EFHD2: variants seen among roughly 807,000 people sequenced by gnomAD.
EFHD2 encodes EF-hand domain family member D2.
In EFHD2, 12 loss-of-function variants were observed where a neutral mutation model predicts 20.3. The observed-to-expected ratio is 0.59, with a 90% confidence interval of 0.38 to 0.96. The LOEUF (loss-of-function observed/expected upper bound fraction) is 0.96. Ranked by LOEUF, EFHD2 falls within the 40% of genes least tolerant of loss-of-function variation. EFHD2 has a pLI of 0.00. For missense variants in EFHD2, 250 were observed against 334.3 expected (o/e 0.75, Z 1.97); for synonymous variants, 131 against 143.9 (o/e 0.91, Z 0.64).
Position 15,425,940 on chromosome 1 carries a change from C to G in EFHD2, c.378C>G (p.Ala126=). The G allele has an allele frequency of 7.5e-6, 12 of 1,604,492 alleles. No homozygotes were observed. Among genetic ancestry groups the G allele is most frequent in the Non-Finnish European group, 1.0e-5 (12 of 1,176,272 alleles). ...ELKLMMEKLG[A]PQTHLGLKNM... ...AACTCATGATGGAGAAACTTGGGGC[C>G]CCTCAGACCCACCTGGGCCTGAAAA... is the stretch of plus-strand genomic sequence containing the variant. Residue 126 remains alanine, a synonymous_variant, in exon 2 of 4, where the codon GCC becomes GCG. Transcript: ENST00000375980.
Position 15,427,400 on chromosome 1 carries a change from C to A in EFHD2, c.591+116C>A. ...CTGAGGCTGCAGACAGAGATGGGAG[C>A]TGACTCCCTGCCAGGCTGGGCCAGG... On this transcript the variant is annotated intron_variant, in intron 3 of 3. Transcript: ENST00000375980. 3.4e-6 allele frequency: 5 copies of A among 1,464,590 alleles called. No individual in the cohort carries two copies. In the South Asian group the frequency reaches 7.0e-5, roughly 20 times the overall value. The allele number at this position is 1,464,590 out of a possible 1,614,324, so 90.7% of individuals were successfully genotyped here.
At chr1:15,410,398 A>G (rs545986648) in intron 1 of EFHD2, 119 bp downstream of exon 1, 2 of 1,263,050 alleles carry the variant, frequency 1.6e-6, no homozygotes, top group East Asian at 3.0e-5. Context: ...AGCTTCCCCG[A>G]ACCCAGACGC....
chr1:15,425,881 G>A lies in EFHD2; in HGVS notation c.319G>A (p.Gly107Arg), dbSNP rs781516858. ...TTTTTGCATCTGCAGGTATGATGCC[G>A]GGCGGGACGGCTTCATCGACCTGAT... The part of the protein sequence containing the change: ...MEKMFKQYDA[G>R]RDGFIDLMEL... The change falls in exon 2 of 4, where the codon GGG becomes AGG. Residue 107 changes from glycine to arginine, a missense_variant. By Grantham distance (125) the Gly-to-Arg change is moderately radical. Coordinates refer to ENST00000375980, the MANE Select transcript of EFHD2 (RefSeq NM_024329.6). The A allele has an allele frequency of 2.2e-5, 35 of 1,606,496 alleles. No homozygotes were observed. Among genetic ancestry groups the A allele is most frequent in the African/African-American group, 5.4e-5 (4 of 74,386 alleles).
In EFHD2 at chr1:15,429,610, G is replaced by A. The variant is rs951787424; in HGVS notation, c.*886G>A. On this transcript the variant is annotated 3_prime_UTR_variant, in exon 4 of 4. Transcript: ENST00000375980. ...TCCTAGGGAAGGAGACGAGCGCTTC[G>A]CCTTGATTCTCCGAGAAGCCTCCGA... 6.6e-5 allele frequency: 10 copies of A among 152,594 alleles called. No individual in the cohort carries two copies. Among genetic ancestry groups the A allele is most frequent in the East Asian group, 5.8e-4 (3 of 5,196 alleles). The allele number at this position is 152,594 out of a possible 1,614,324, so 9.5% of individuals were successfully genotyped here.
chr1:15,414,727 C>T (rs558495863), intron 1 of EFHD2, among the ~76,000 whole-genome samples: 67 of 152,340 alleles, frequency 4.4e-4, no homozygotes, highest in African/African-American at 1.6e-3. Context: ...AGTGACAGGA[C>T]GCAGGGTTAG....
rs1247414461 is a variant in EFHD2, at chr1:15,426,174, A to G, written c.456+156A>G. On this transcript the variant is annotated intron_variant, in intron 2 of 3. Coordinates refer to ENST00000375980, the MANE Select transcript of EFHD2 (RefSeq NM_024329.6). This position sits in a 1 kb window ranked among gnomAD's most constrained non-coding sequence, Gnocchi z 4.6. The stretch of plus-strand genomic sequence containing the variant: ...CTGCTGCTTGGCTGAGTGAGGCTTC[A>G]GAGGGCCTGTTACAGCAGGCACCAG... Among the ~76,000 whole-genome samples, 1 of 152,180 alleles carries G rather than the reference A, an allele frequency of 6.6e-6. No homozygotes were observed. The highest frequency in any genetic ancestry group is 3.2e-3 in the Middle Eastern group (1 of 316).
intron 1 of EFHD2, among the ~76,000 whole-genome samples, chr1:15,411,981 A>T (rs1237080795): frequency 1.3e-5 from 2 of 152,070 alleles, no homozygotes; most frequent in Admixed American, 6.5e-5. Flanking sequence ...CGGGTGGCTG[A>T]GGAGTCCCAT....
In EFHD2 at chr1:15,420,508, A is replaced by ATTATTTAT. The variant is rs71572155; in HGVS notation, c.309-5344_309-5337dup. The stretch of plus-strand genomic sequence containing the variant: ...AGGCATACACCACCACGCCCAGCTA[A>ATTATTTAT]TTATTTATTTATTTATTTATTTATT... On this transcript the variant is annotated intron_variant, in intron 1 of 3. Transcript: ENST00000375980. Among the ~76,000 whole-genome samples the ATTATTTAT allele has an allele frequency of 2.0e-3, 306 of 151,240 alleles. 2 individuals carry two copies. The highest frequency in any genetic ancestry group is 6.8e-3 in the Middle Eastern group (2 of 292).
chr1:15,428,639 C>T lies in EFHD2; in HGVS notation c.638C>T (p.Ala213Val). The T allele has an allele frequency of 6.2e-7, 1 of 1,610,924 alleles. No homozygotes were observed. The highest frequency in any genetic ancestry group is 8.5e-7 in the Non-Finnish European group (1 of 1,179,038). ...VSSRFEEEIK[A>V]EQEERKKQAE... ...AGCCGCTTCGAGGAGGAGATCAAGG[C>T]AGAGCAGGAGGAAAGGAAGAAGCAG... Residue 213 changes from alanine (A) to valine (V), a missense_variant, in exon 4 of 4, where the codon GCA becomes GTA. Physicochemically the swap from Ala to Val is moderately conservative, Grantham distance 64. Transcript: ENST00000375980.
intron 1 of EFHD2, among the ~76,000 whole-genome samples, chr1:15,421,168 T>A (rs1707783259): frequency 6.6e-6 from 1 of 152,128 alleles, no homozygotes; most frequent in Admixed American, 6.5e-5. Flanking sequence ...CTTGACCAGG[T>A]CACTCTGCCA....
chr1:15,427,293 C>A lies in EFHD2; in HGVS notation c.591+9C>A. 6.2e-7 allele frequency: 1 copy of A among 1,602,722 alleles called. No homozygotes were observed. The highest frequency in any genetic ancestry group is 1.3e-5 in the African/African-American group (1 of 74,994). On this transcript the variant is annotated intron_variant, in intron 3 of 3. Transcript: ENST00000375980. ...GCTTCTTTGAGGCCAAGGTGAGGAG[C>A]CCAAGGGGTGCCCTGACCCACGCTC... is the stretch of plus-strand genomic sequence containing the variant.
intron 1 of EFHD2, among the ~76,000 whole-genome samples, chr1:15,419,703 T>G (rs1414908571): frequency 1.3e-5 from 2 of 152,158 alleles, no homozygotes; most frequent in Non-Finnish European, 2.9e-5. Flanking sequence ...TTCTGGATCC[T>G]CTAAGCCAGC....
intron 2 of EFHD2, 114 bp from the exon 3 acceptor site, chr1:15,427,036 C>G: frequency 7.1e-7 from 1 of 1,414,702 alleles, no homozygotes; most frequent in Non-Finnish European, 9.5e-7. Context: ...GCTCACTGCC[C>G]CCCAGTCCTT....
At position 15,413,898 on chromosome 1, in the gene EFHD2, G is replaced by A. The variant is rs570332822; in HGVS notation, c.308+3619G>A. On this transcript the variant is annotated intron_variant, in intron 1 of 3. Coordinates refer to ENST00000375980, the MANE Select transcript of EFHD2 (RefSeq NM_024329.6). This position sits in a 1 kb window ranked among gnomAD's most constrained non-coding sequence, Gnocchi z 4.4. The stretch of plus-strand genomic sequence containing the variant: ...GGACTCTCCATCCCCGTCTCCGTGC[G>A]GCCTCAGGCTACGTCCAGCATCTCT... 4.6e-5 allele frequency among the ~76,000 whole-genome samples: 7 copies of A among 152,270 alleles called. No homozygotes were observed. The highest frequency in any genetic ancestry group is 4.1e-4 in the South Asian group (2 of 4,820).
Position 15,427,299 on chromosome 1 carries a change from G to C in EFHD2, c.591+15G>C, listed in dbSNP as rs1235079547. The stretch of plus-strand genomic sequence containing the variant: ...TTGAGGCCAAGGTGAGGAGCCCAAG[G>C]GGTGCCCTGACCCACGCTCCAGGAC... On this transcript the variant is annotated intron_variant, in intron 3 of 3. Coordinates refer to ENST00000375980, the MANE Select transcript of EFHD2 (RefSeq NM_024329.6). 1.2e-6 allele frequency: 2 copies of C among 1,601,138 alleles called. No homozygotes were observed. Among genetic ancestry groups the C allele is most frequent in the Admixed American group, 3.5e-5 (2 of 57,384 alleles).
Position 15,426,027 on chromosome 1 carries a change from G to A in EFHD2, c.456+9G>A, listed in dbSNP as rs755274344. ...AGCTGAGCTTCCGGGAGGTAAGCCC[G>A]GCCCCCAGCCCCACTCCCCTACCAG... On this transcript the variant is annotated intron_variant, in intron 2 of 3. Transcript: ENST00000375980. This position sits in a 1 kb window ranked among gnomAD's most constrained non-coding sequence, Gnocchi z 4.6. 42 of 1,567,464 alleles carry A rather than the reference G, an allele frequency of 2.7e-5. 1 individual carries two copies. In the Middle Eastern group the frequency reaches 5.1e-4, roughly 19 times the overall value.
Position 15,430,266 on chromosome 1 carries a change from C to A in EFHD2, c.*1542C>A, listed in dbSNP as rs1321355213. Reference sequence around the variant, plus strand: ...TTCCCTTCTCCCCGACCCCACCCCCCAAAAAAGCTACTTCTTCATTCCGTG... The same window carrying A: ...TTCCCTTCTCCCCGACCCCACCCCCAAAAAAAGCTACTTCTTCATTCCGTG... On this transcript the variant is annotated 3_prime_UTR_variant, in exon 4 of 4. Transcript: ENST00000375980. 3 of 153,570 alleles carry A rather than the reference C, an allele frequency of 2.0e-5. No individual in the cohort carries two copies. Among genetic ancestry groups the A allele is most frequent in the African/African-American group, 7.3e-5 (3 of 41,332 alleles). 9.5% of individuals were successfully genotyped at this position (153,570 alleles called of 1,614,324 possible). A position where few individuals can be genotyped will look rare whatever the true frequency, so the allele number is the denominator to read the frequency against.
chr1:15,426,770 T>C lies in EFHD2; in HGVS notation c.457-380T>C, dbSNP rs138701021. On this transcript the variant is annotated intron_variant, in intron 2 of 3. Coordinates refer to ENST00000375980, the MANE Select transcript of EFHD2 (RefSeq NM_024329.6). The surrounding 1 kb of genome is among the most constrained non-coding windows in gnomAD (Gnocchi z 4.6). ...CGCTGAGACTTGGGGTGTCTTTTACTGTCATGGAGGCTCCCTCATTCTGTC... is the reference window on the plus strand; with the variant it reads ...CGCTGAGACTTGGGGTGTCTTTTACCGTCATGGAGGCTCCCTCATTCTGTC... Among the ~76,000 whole-genome samples the C allele has an allele frequency of 6.6e-6, 1 of 152,272 alleles. No homozygotes were observed. The highest frequency in any genetic ancestry group is 2.4e-5 in the African/African-American group (1 of 41,542).
At chr1:15,410,624 T>G (rs888673236) in intron 1 of EFHD2, among the ~76,000 whole-genome samples, 4 of 150,714 alleles carry the variant, frequency 2.7e-5, no homozygotes, top group African/African-American at 7.3e-5. Context: ...ACCACACGTG[T>G]GGGTCCCGGG....
Sources: gnomAD v4.1 joint callset for allele counts (sites outside exome capture counted in the v4.1 genomes callset) on GRCh38, gnomAD v4.1.1 for gene constraint, Gnocchi (gnomAD v3.1) non-coding constraint, MANE v1.5 for transcripts, NCBI Gene and HGNC (gene_info 2026-07-23, HGNC 2026-07-21) for gene names.